Variants in CSMD1 observed in about 807,000 individuals in gnomAD.
CSMD1 encodes the protein CUB and sushi domain-containing protein 1.
CSMD1 carries 213 observed loss-of-function variants against 417.5 expected under a neutral mutation model. The ratio of observed to expected loss-of-function variants is 0.51; its 90% CI spans 0.46 to 0.57. The LOEUF is 0.57. CSMD1 is among the 20% of genes least tolerant of loss of function. The pLI, the probability that CSMD1 is intolerant of heterozygous loss-of-function variation, is 0.00. For missense variants in CSMD1, 6,923 were observed against 4,529.7 expected (o/e 1.53, Z -15.17); for synonymous variants, 2,862 against 1,736.8 (o/e 1.65, Z -16.11).
chr8:4,904,253 T>A (rs1202853037), intron 1 of CSMD1, among the ~76,000 whole-genome samples: 2 of 152,232 alleles, frequency 1.3e-5, no homozygotes. Flanking sequence ...TTCCTCATTA[T>A]TCCTTAACTG....
chr8:3,285,144 T>A (rs1482826934), intron 25 of CSMD1, among the ~76,000 whole-genome samples: 1 of 152,114 alleles, frequency 6.6e-6, no homozygotes, highest in Non-Finnish European at 1.5e-5. Context: ...TTCCTGCGTA[T>A]TGCACACCGA....
At chr8:2,981,376 G>A (rs1272706995) in intron 54 of CSMD1, among the ~76,000 whole-genome samples, 1 of 152,236 alleles carries the variant, frequency 6.6e-6, no homozygotes, top group Non-Finnish European at 1.5e-5. Flanking sequence ...AAGGAGAAAT[G>A]GCCAGTGAAG....
chr8:3,144,849 G>T (rs1192354595), intron 40 of CSMD1, among the ~76,000 whole-genome samples: 1 of 149,336 alleles, frequency 6.7e-6, no homozygotes, highest in African/African-American at 2.5e-5. Context: ...GGGTCCAGGG[G>T]CTCCTGTGTC....
chr8:3,410,905 T>C (rs532826198), intron 12 of CSMD1, among the ~76,000 whole-genome samples: 5 of 151,694 alleles, frequency 3.3e-5, no homozygotes, highest in South Asian at 2.1e-4. Context: ...TAACACAAGA[T>C]AGAGGGGTAT....
intron 1 of CSMD1, among the ~76,000 whole-genome samples, chr8:4,677,771 G>A (rs886071823): frequency 6.6e-6 from 1 of 152,092 alleles, no homozygotes; most frequent in Non-Finnish European, 1.5e-5. Flanking sequence ...GCAAAAAGGA[G>A]AATGGAAAAC....
chr8:3,741,760 ATTT>A, intron 6 of CSMD1, among the ~76,000 whole-genome samples: 1 of 149,900 alleles, frequency 6.7e-6, no homozygotes, highest in Middle Eastern at 3.6e-3. Flanking sequence ...TGGTGGTTGA[ATTT>A]ATTTGTGGGA....
At chr8:2,979,021 C>A (rs528073611) in intron 54 of CSMD1, among the ~76,000 whole-genome samples, 7 of 152,174 alleles carry the variant, frequency 4.6e-5, no homozygotes, top group African/African-American at 1.7e-4. Context: ...GCAATTTTCA[C>A]GTGAGGCTAA....
intron 5 of CSMD1, among the ~76,000 whole-genome samples, chr8:3,971,028 G>C (rs1291459485): frequency 1.3e-5 from 2 of 152,172 alleles, no homozygotes; most frequent in African/African-American, 4.8e-5. Flanking sequence ...TGGGATTTTA[G>C]GCATGAGTCA....
chr8:4,718,811 A>C (rs1212549875), intron 1 of CSMD1, among the ~76,000 whole-genome samples: 1 of 152,110 alleles, frequency 6.6e-6, no homozygotes, highest in African/African-American at 2.4e-5. Flanking sequence ...AATTAACATG[A>C]AATATTCAAG....
At chr8:4,920,680 T>C (rs998126457) in intron 1 of CSMD1, among the ~76,000 whole-genome samples, 6 of 151,770 alleles carry the variant, frequency 4.0e-5, no homozygotes, top group East Asian at 3.9e-4. Context: ...AAAATAGCCA[T>C]GCGTGGGTGG....
chr8:3,188,043 T>C, intron 35 of CSMD1, 78 bp from the exon 36 acceptor site: 2 of 932,602 alleles, frequency 2.1e-6, no homozygotes, highest in Non-Finnish European at 3.3e-6. Flanking sequence ...TTTTGGGGTT[T>C]TTCATGATTA....
chr8:4,813,962 C>G (rs1281847579), intron 1 of CSMD1, among the ~76,000 whole-genome samples: 1 of 152,134 alleles, frequency 6.6e-6, no homozygotes. Context: ...ATTTAGTAAT[C>G]AGTGATTCAT....
intron 3 of CSMD1, among the ~76,000 whole-genome samples, chr8:4,283,766 G>C (rs1175678467): frequency 7.6e-6 from 1 of 131,218 alleles, no homozygotes; most frequent in East Asian, 2.4e-4. Context: ...TAAAATTCTG[G>C]ACATGAACCA....
At chr8:4,187,583 G>A (rs1002453075) in intron 3 of CSMD1, among the ~76,000 whole-genome samples, 1 of 147,816 alleles carries the variant, frequency 6.8e-6, no homozygotes, top group Non-Finnish European at 1.5e-5. Context: ...GGCTAATGTA[G>A]GAGAATCGCT....
In CSMD1 at chr8:4,012,606, A is replaced by G. The variant is rs190107445; in HGVS notation, c.611-14496T>C. Among the ~76,000 whole-genome samples the G allele has an allele frequency of 3.0e-4, 45 of 152,140 alleles. No individual in the cohort carries two copies. The East Asian group carries it at 8.3e-3, about 28-fold the overall frequency. ...CTCCCCTCAGTAGGCCTCAGTGACTATGTCATCTGTATGTCTACAGTTTTC... is the reference window on the plus strand; with the variant it reads ...CTCCCCTCAGTAGGCCTCAGTGACTGTGTCATCTGTATGTCTACAGTTTTC... On this transcript the variant is annotated intron_variant, in intron 4 of 69. Transcript: ENST00000635120.
intron 12 of CSMD1, among the ~76,000 whole-genome samples, chr8:3,455,081 C>A (rs556063444): frequency 6.6e-5 from 10 of 152,298 alleles, no homozygotes; most frequent in African/African-American, 2.4e-4. Context: ...ATCACTGATA[C>A]CCTTTCTTTC....
At position 3,289,824 on chromosome 8, in the gene CSMD1, A is replaced by G. The variant is rs1289163649; in HGVS notation, c.3951-5478T>C. 2.7e-5 allele frequency among the ~76,000 whole-genome samples: 4 copies of G among 147,050 alleles called. 1 individual carries two copies. The highest frequency in any genetic ancestry group is 5.4e-5 in the African/African-American group (2 of 36,898). On this transcript the variant is annotated intron_variant, in intron 25 of 69. Transcript: ENST00000635120. ...TTCTTTTGCTGTGCAGAAGCTCTTT[A>G]GTTTAATTAGATACCATTTGTCAGT...
chr8:4,749,334 A>G (rs1248778713), intron 1 of CSMD1, among the ~76,000 whole-genome samples: 1 of 152,358 alleles, frequency 6.6e-6, no homozygotes, highest in East Asian at 1.9e-4. Context: ...AAAATCTTAC[A>G]TTAAACGTAA....
At position 4,719,084 on chromosome 8, in the gene CSMD1, A is replaced by G. The variant is rs115950756; in HGVS notation, c.86-81526T>C. 2.7e-3 allele frequency among the ~76,000 whole-genome samples: 404 copies of G among 152,276 alleles called. 5 individuals carry two copies. The highest frequency in any genetic ancestry group is 9.5e-3 in the African/African-American group (393 of 41,564). ...AGAGAGAGAGCTAGAATTTTGTTTT[A>G]ATGTGGTTGGTTTCTGCACAAAGAA... On this transcript the variant is annotated intron_variant, in intron 1 of 69. Coordinates refer to ENST00000635120, the MANE Select transcript of CSMD1 (RefSeq NM_033225.6).
Sources: gnomAD v4.1 joint callset for allele counts (sites outside exome capture counted in the v4.1 genomes callset) on GRCh38, gnomAD v4.1.1 for gene constraint, MANE v1.5 for transcripts, NCBI Gene and HGNC (gene_info 2026-07-23, HGNC 2026-07-21) for gene names.